ANKRD11: variants seen among roughly 807,000 people sequenced by gnomAD.
The protein encoded by ANKRD11 is ankyrin repeat domain-containing protein 11.
ANKRD11 carries 17 observed loss-of-function variants against 195.7 expected under a neutral mutation model. The observed-to-expected ratio is 0.09, with a 90% CI of 0.06 to 0.13. The LOEUF is 0.13. Among genes scored for constraint, ANKRD11 ranks in the 10% least tolerant of loss-of-function variants. The pLI is 1.00. For missense variants in ANKRD11, 3,735 were observed against 3,566.1 expected, an observed-to-expected ratio of 1.05 and a Z score of -1.21; for synonymous variants, 1,953 against 1,528.1, an observed-to-expected ratio of 1.28 and a Z score of -6.49.
At chr16:89,476,958 C>T (rs565530930) in intron 1 of ANKRD11, among the ~76,000 whole-genome samples, 4 of 152,132 alleles carry the variant, frequency 2.6e-5, no homozygotes, top group Non-Finnish European at 2.9e-5. Context: ...TGGTAACAAT[C>T]TATAATACGA....
intron 2 of ANKRD11, among the ~76,000 whole-genome samples, chr16:89,334,975 G>A (rs1410275660): frequency 6.6e-6 from 1 of 152,106 alleles, no homozygotes; most frequent in Non-Finnish European, 1.5e-5. Context: ...GGGAGGTCCA[G>A]GAGGAGATCC....
At chr16:89,325,949 C>T (rs546268268) in intron 2 of ANKRD11, among the ~76,000 whole-genome samples, 9 of 152,304 alleles carry the variant, frequency 5.9e-5, no homozygotes, top group East Asian at 3.9e-4. Context: ...CCCAGCATGT[C>T]GGGCAGGCCT....
At chr16:89,333,457 C>T (rs1222825623) in intron 2 of ANKRD11, among the ~76,000 whole-genome samples, 2 of 152,218 alleles carry the variant, frequency 1.3e-5, no homozygotes, top group Non-Finnish European at 1.5e-5. Flanking sequence ...GTGGACCCAC[C>T]GTTGTGGTAT....
At chr16:89,416,765 A>G (rs564336989) in intron 2 of ANKRD11, among the ~76,000 whole-genome samples, 5 of 147,732 alleles carry the variant, frequency 3.4e-5, no homozygotes, top group African/African-American at 1.2e-4. Flanking sequence ...CTCTGTTTCT[A>G]CAAAAAAAAA....
intron 1 of ANKRD11, among the ~76,000 whole-genome samples, chr16:89,471,115 G>A (rs1237170414): frequency 6.6e-6 from 1 of 152,184 alleles, no homozygotes; most frequent in African/African-American, 2.4e-5. Flanking sequence ...CACTCTGGGA[G>A]GCCAAGGCAG....
At chr16:89,442,247 C>G (rs2043544632) in intron 1 of ANKRD11, among the ~76,000 whole-genome samples, 1 of 152,214 alleles carries the variant, frequency 6.6e-6, no homozygotes, top group African/African-American at 2.4e-5. Context: ...CAGGTCATGT[C>G]TACGCTTTCC....
At chr16:89,371,929 C>A (rs1049547880) in intron 2 of ANKRD11, among the ~76,000 whole-genome samples, 1 of 152,172 alleles carries the variant, frequency 6.6e-6, no homozygotes, top group Non-Finnish European at 1.5e-5. Context: ...TGGCCTGTTA[C>A]AGAACAGGAG....
At chr16:89,404,462 T>C (rs188092108) in intron 2 of ANKRD11, among the ~76,000 whole-genome samples, 88 of 152,336 alleles carry the variant, frequency 5.8e-4, no homozygotes, top group African/African-American at 2.0e-3. Flanking sequence ...AAAGGATTAA[T>C]AGCCACAAAA....
In ANKRD11 at chr16:89,284,228, G is replaced by C. The variant is rs750596755; in HGVS notation, c.2314C>G (p.Arg772Gly). The change falls in exon 9 of 13, where the codon CGG becomes GGG. Residue 772 changes from arginine (R) to glycine (G), a missense_variant. By Grantham distance (125) the Arg-to-Gly change is moderately radical. Coordinates refer to ENST00000301030, the MANE Select transcript of ANKRD11 (RefSeq NM_013275.6). ...TTCTTCTTCTCTAATTTTGAGGGCCGGTCTTTTGATTTCTTCTTTCTCTCC... is the reference window on the plus strand; with the variant it reads ...TTCTTCTTCTCTAATTTTGAGGGCCCGTCTTTTGATTTCTTCTTTCTCTCC... ...KEERKKKSKDRPSKLEKKNDL... is the reference protein window; with the variant it reads ...KEERKKKSKDGPSKLEKKNDL... 1.9e-6 allele frequency: 3 copies of C among 1,612,654 alleles called. No individual in the cohort carries two copies. The Admixed American group carries it at 5.0e-5, about 27-fold the overall frequency.
intron 2 of ANKRD11, among the ~76,000 whole-genome samples, chr16:89,391,131 A>G (rs956395487): frequency 2.0e-5 from 3 of 151,788 alleles, no homozygotes; most frequent in Admixed American, 6.6e-5. Flanking sequence ...GGGAGGCTGA[A>G]GCAGGAGAAT....
At position 89,305,216 on chromosome 16, in the gene ANKRD11, G is replaced by A. The variant is rs375689915; in HGVS notation, c.216C>T (p.Asp72=). The change falls in exon 4 of 13, where the codon GAC becomes GAT. Residue 72 remains aspartate (D), a synonymous_variant. Transcript: ENST00000301030. The part of the protein sequence containing the change: ...FTAGANGEQK[D]SDTEKQGPER... The stretch of plus-strand genomic sequence containing the variant: ...GCCGCGGGCTGGTACCTGTGTCCGA[G>A]TCCTTCTGCTCCCCATTGGCGCCCG... The A allele has an allele frequency of 5.0e-6, 8 of 1,612,850 alleles. No homozygotes were observed. Among genetic ancestry groups the A allele is most frequent in the South Asian group, 4.4e-5 (4 of 91,060 alleles).
chr16:89,290,777 G>A lies in ANKRD11; in HGVS notation c.449C>T (p.Thr150Met), dbSNP rs777070083. The change falls in exon 6 of 13, where the codon ACG (threonine) becomes ATG (methionine). Residue 150 changes from threonine to methionine, a missense_variant. By Grantham distance (81) the Thr-to-Met change is moderately conservative. Coordinates refer to ENST00000301030, the MANE Select transcript of ANKRD11 (RefSeq NM_013275.6). The part of the protein sequence containing the change: ...PSQSTVCQKG[T>M]PNSASKTKDK... Reference sequence around the variant, plus strand: ...TTTGGTTTTTGAGGCAGAGTTGGGCGTTCCCTTCTGACACACTGTAGACTG... The same window carrying A: ...TTTGGTTTTTGAGGCAGAGTTGGGCATTCCCTTCTGACACACTGTAGACTG... The A allele has an allele frequency of 1.4e-5, 22 of 1,613,990 alleles. No individual in the cohort carries two copies. Among genetic ancestry groups the A allele is most frequent in the East Asian group, 2.2e-5 (1 of 44,894 alleles).
chr16:89,336,193 T>C (rs1266667772), intron 2 of ANKRD11, among the ~76,000 whole-genome samples: 2 of 152,240 alleles, frequency 1.3e-5, no homozygotes, highest in East Asian at 3.9e-4. Context: ...TCAGAGCCAC[T>C]GTCCTTGTGG....
At chr16:89,339,706 C>T (rs964703479) in intron 2 of ANKRD11, among the ~76,000 whole-genome samples, 2 of 152,226 alleles carry the variant, frequency 1.3e-5, no homozygotes, top group African/African-American at 4.8e-5. Flanking sequence ...CACACATCCA[C>T]CATCTGTTCA....
intron 2 of ANKRD11, among the ~76,000 whole-genome samples, chr16:89,336,359 C>T (rs116709452): frequency 2.0e-5 from 3 of 152,210 alleles, no homozygotes; most frequent in African/African-American, 4.8e-5. Flanking sequence ...GACCTAGAGG[C>T]GGGTGTGCGT....
chr16:89,287,869 G>C lies in ANKRD11; in HGVS notation c.744+659C>G, dbSNP rs1005105099. On this transcript the variant is annotated intron_variant, in intron 7 of 12. Transcript: ENST00000301030. ...CAGAGGAGCACGACGGGCACCAGCA[G>C]ATGTGGCCCCGTGTGACCCCTCAGC... 2.0e-5 allele frequency: 6 copies of C among 306,590 alleles called. No homozygotes were observed. The Admixed American group carries it at 2.7e-4, about 14-fold the overall frequency. 19.0% of individuals were successfully genotyped at this position (306,590 alleles called of 1,614,324 possible). A position where few individuals can be genotyped will look rare whatever the true frequency, so the allele number is the denominator to read the frequency against.
intron 1 of ANKRD11, among the ~76,000 whole-genome samples, chr16:89,436,351 G>A (rs2068873660): frequency 6.6e-6 from 1 of 151,958 alleles, no homozygotes; most frequent in African/African-American, 2.4e-5. Flanking sequence ...GGAGATGGAG[G>A]TTACAGTGAG....
At chr16:89,416,296 C>T (rs1419811005) in intron 2 of ANKRD11, among the ~76,000 whole-genome samples, 2 of 151,728 alleles carry the variant, frequency 1.3e-5, no homozygotes, top group Non-Finnish European at 2.9e-5. Flanking sequence ...ATTTTGAATC[C>T]ATCGATTTTT....
rs371189016 is a variant in ANKRD11, at chr16:89,413,645, T to C, written c.-60+4639A>G. The stretch of plus-strand genomic sequence containing the variant: ...CAAAAAAAGAAAAAAATAAAGGAAA[T>C]GGAAGTGAACTCACAGTGGCACCTA... On this transcript the variant is annotated intron_variant, in intron 2 of 12. Coordinates refer to ENST00000301030, the MANE Select transcript of ANKRD11 (RefSeq NM_013275.6). 1.9e-4 allele frequency among the ~76,000 whole-genome samples: 29 copies of C among 151,884 alleles called. 1 individual carries two copies. The highest frequency in any genetic ancestry group is 5.6e-4 in the African/African-American group (23 of 41,396).
Sources: allele counts gnomAD v4.1 joint callset (sites outside exome capture counted in the v4.1 genomes callset), GRCh38; gene constraint gnomAD v4.1.1; transcripts MANE v1.5; gene names NCBI Gene and HGNC (gene_info 2026-07-23, HGNC 2026-07-21).